Variants in PTK7 observed in about 807,000 individuals in gnomAD.
PTK7 encodes protein tyrosine kinase 7 (inactive).
PTK7 carries 39 observed loss-of-function variants against 116.6 expected under a neutral mutation model. The ratio of observed to expected loss-of-function variants is 0.33; its 90% CI spans 0.26 to 0.44. The LOEUF (loss-of-function observed/expected upper bound fraction) is 0.44, where lower values mean the gene tolerates loss of function less well. PTK7 is among the 20% of genes least tolerant of loss of function. PTK7 has a pLI of 1.00. For missense variants in PTK7, 1,169 were observed against 1,425.6 expected, an observed-to-expected ratio of 0.82 and a Z score of 2.90; for synonymous variants, 546 against 563.6, an observed-to-expected ratio of 0.97 and a Z score of 0.44.
rs746692893 is a variant in PTK7, at chr6:43,130,473, C to T, written c.662-38C>T. The T allele has an allele frequency of 8.1e-6, 13 of 1,610,008 alleles. No individual in the cohort carries two copies. The Admixed American group carries it at 1.0e-4, about 12-fold the overall frequency. ...TGAGGTGAGCACAGGAGGGCCTCAC[C>T]ACCCAGGCTGCATGCTCCCCCATCT... On this transcript the variant is annotated intron_variant, in intron 4 of 19. Transcript: ENST00000230419.
At chr6:43,105,846 C>A (rs1318289983) in intron 1 of PTK7, among the ~76,000 whole-genome samples, 3 of 152,182 alleles carry the variant, frequency 2.0e-5, no homozygotes, top group African/African-American at 7.2e-5. Context: ...CTCACCAACA[C>A]TTTGATTTTG....
chr6:43,112,425 T>C (rs1276661645), intron 1 of PTK7, among the ~76,000 whole-genome samples: 1 of 151,940 alleles, frequency 6.6e-6, no homozygotes, highest in Non-Finnish European at 1.5e-5. Context: ...AGTGTCTCTC[T>C]GTCTGTGTCT....
At chr6:43,096,812 C>T (rs986699902) in intron 1 of PTK7, among the ~76,000 whole-genome samples, 1 of 152,244 alleles carries the variant, frequency 6.6e-6, no homozygotes, top group Non-Finnish European at 1.5e-5. Context: ...TGCACAAAGA[C>T]GGATTTCACT....
chr6:43,096,695 G>A (rs1367393576), intron 1 of PTK7, among the ~76,000 whole-genome samples: 1 of 152,198 alleles, frequency 6.6e-6, no homozygotes, highest in Non-Finnish European at 1.5e-5. Flanking sequence ...GTGTGCAGGG[G>A]TCTGCCTGGG....
intron 1 of PTK7, 98 bp from the exon 2 acceptor site, chr6:43,128,879 T>C: frequency 1.5e-6 from 2 of 1,318,422 alleles, no homozygotes; most frequent in Non-Finnish European, 2.1e-6. Context: ...ACGCCTCCTG[T>C]GTACACAGCC....
intron 1 of PTK7, among the ~76,000 whole-genome samples, chr6:43,117,393 A>G (rs1368282587): frequency 6.6e-6 from 1 of 152,332 alleles, no homozygotes; most frequent in South Asian, 2.1e-4. Context: ...CATGCAAACA[A>G]AAGGACTCAT....
At chr6:43,155,104 G>A (rs943265354) in intron 17 of PTK7, among the ~76,000 whole-genome samples, 1 of 152,192 alleles carries the variant, frequency 6.6e-6, no homozygotes, top group African/African-American at 2.4e-5. Context: ...TAACCTGGCT[G>A]CAGCCCCCCA....
intron 1 of PTK7, among the ~76,000 whole-genome samples, chr6:43,081,535 C>G (rs1056086189): frequency 6.6e-6 from 1 of 151,946 alleles, no homozygotes; most frequent in Non-Finnish European, 1.5e-5. Flanking sequence ...CTCCTGAGTA[C>G]CTGGGTTTAC....
Position 43,076,879 on chromosome 6 carries a change from C to A in PTK7, c.79+312C>A. The A allele has an allele frequency of 6.7e-7, 1 of 1,490,624 alleles. No homozygotes were observed. Among genetic ancestry groups the A allele is most frequent in the Non-Finnish European group, 9.0e-7 (1 of 1,117,302 alleles). The allele number at this position is 1,490,624 out of a possible 1,614,324, so 92.3% of individuals were successfully genotyped here. A position where few individuals can be genotyped will look rare whatever the true frequency, so the allele number is the denominator to read the frequency against. On this transcript the variant is annotated intron_variant, in intron 1 of 19. Transcript: ENST00000230419. The surrounding 1 kb of genome is among the most constrained non-coding windows in gnomAD (Gnocchi z 5.7). Reference sequence around the variant, plus strand: ...CTGCCGAGAGTTGCTGGCTCTCGGGCCCAGATGGGGAGTTTCTTGTCGGGG... The same window carrying A: ...CTGCCGAGAGTTGCTGGCTCTCGGGACCAGATGGGGAGTTTCTTGTCGGGG...
intron 1 of PTK7, among the ~76,000 whole-genome samples, chr6:43,109,374 G>T (rs1353040497): frequency 2.0e-5 from 3 of 151,814 alleles, no homozygotes; most frequent in Non-Finnish European, 4.4e-5. Context: ...TGGACCTTTT[G>T]ATGAGACCCT....
intron 1 of PTK7, among the ~76,000 whole-genome samples, chr6:43,079,550 G>A (rs780018034): frequency 9.9e-5 from 15 of 151,758 alleles, no homozygotes; most frequent in Non-Finnish European, 1.6e-4. Flanking sequence ...ATAAAATGGT[G>A]TCGTATTTAC....
intron 1 of PTK7, among the ~76,000 whole-genome samples, chr6:43,088,029 G>A (rs375890885): frequency 2.0e-5 from 3 of 152,194 alleles, no homozygotes; most frequent in South Asian, 2.1e-4. Context: ...CCAGTGTGGT[G>A]GTTCACACCT....
At chr6:43,088,663 A>G (rs1766788225) in intron 1 of PTK7, among the ~76,000 whole-genome samples, 1 of 152,028 alleles carries the variant, frequency 6.6e-6, no homozygotes, top group Non-Finnish European at 1.5e-5. Context: ...CTGCATTCCA[A>G]CCTGGGTGAG....
At chr6:43,124,934 A>G (rs908778712) in intron 1 of PTK7, among the ~76,000 whole-genome samples, 5 of 152,170 alleles carry the variant, frequency 3.3e-5, no homozygotes, top group African/African-American at 1.2e-4. Flanking sequence ...GCACTTTGGG[A>G]GGCCGAGGCG....
intron 1 of PTK7, among the ~76,000 whole-genome samples, chr6:43,112,799 G>T (rs1768266449): frequency 6.6e-6 from 1 of 152,072 alleles, no homozygotes; most frequent in African/African-American, 2.4e-5. Context: ...TTCTGCCTTT[G>T]GTGGCTGGCA....
intron 17 of PTK7, among the ~76,000 whole-genome samples, chr6:43,157,326 C>CGCTATATA (rs1771496006): frequency 3.6e-4 from 8 of 22,008 alleles, no homozygotes; most frequent in Non-Finnish European, 8.0e-5. Flanking sequence ...GACACACACG[C>CGCTATATA]TATATATATA....
At chr6:43,100,678 A>G (rs1767525238) in intron 1 of PTK7, among the ~76,000 whole-genome samples, 1 of 152,176 alleles carries the variant, frequency 6.6e-6, no homozygotes. Context: ...GATTGTGAAC[A>G]GGGCATTATA....
At chr6:43,085,933 C>G in intron 1 of PTK7, among the ~76,000 whole-genome samples, 1 of 72,400 alleles carries the variant, frequency 1.4e-5, no homozygotes, top group Non-Finnish European at 2.7e-5. Context: ...AACTCTGTCT[C>G]AAAAAAAAAA....
At chr6:43,155,800 T>C (rs968965352) in intron 17 of PTK7, among the ~76,000 whole-genome samples, 6 of 152,250 alleles carry the variant, frequency 3.9e-5, no homozygotes, top group Admixed American at 2.6e-4. Context: ...TTATTTTGTA[T>C]AGCTAGAGAT....
Sources: allele counts gnomAD v4.1 joint callset (sites outside exome capture counted in the v4.1 genomes callset), GRCh38; gene constraint gnomAD v4.1.1; non-coding constraint Gnocchi (gnomAD v3.1); transcripts MANE v1.5; gene names NCBI Gene and HGNC (gene_info 2026-07-23, HGNC 2026-07-21).